The following ASTN2 variants were observed in gnomAD, a reference collection of about 807,000 sequenced individuals.
ASTN2 encodes astrotactin 2.
ASTN2 carries 54 observed loss-of-function variants against 139.8 expected under a neutral mutation model. The observed-to-expected ratio is 0.39, with a 90% CI of 0.31 to 0.48. The LOEUF (loss-of-function observed/expected upper bound fraction) is 0.48. ASTN2 is among the 20% of genes least tolerant of loss of function. ASTN2 has a pLI of 0.95. For missense variants in ASTN2, 1,565 were observed against 1,725.1 expected (o/e 0.91, Z 1.64); for synonymous variants, 756 against 719.5 (o/e 1.05, Z -0.81).
intron 10 of ASTN2, among the ~76,000 whole-genome samples, chr9:116,942,209 G>T (rs979595234): frequency 3.3e-5 from 5 of 151,850 alleles, no homozygotes; most frequent in Admixed American, 1.3e-4. Context: ...TATCACTCAG[G>T]CCCTCAGATC....
In ASTN2 at chr9:117,404,187, A is replaced by G. The variant is rs1391672958; in HGVS notation, c.442+10310T>C. Among the ~76,000 whole-genome samples, 3 of 152,210 alleles carry G rather than the reference A, an allele frequency of 2.0e-5. No homozygotes were observed. The East Asian group carries it at 5.8e-4, about 29-fold the overall frequency. ...AGTGCTGACTAAAATGTGGTTATGG[A>G]GGGCTCTCCAAAATTAAGTGACTAT... On this transcript the variant is annotated intron_variant, in intron 1 of 22. Transcript: ENST00000313400.
intron 1 of ASTN2, among the ~76,000 whole-genome samples, chr9:117,298,512 G>A (rs975086923): frequency 2.6e-5 from 4 of 152,026 alleles, no homozygotes; most frequent in East Asian, 1.9e-4. Context: ...TCACAGGGTC[G>A]TTTTTAGAAT....
chr9:116,651,492 C>T (rs756628519), intron 17 of ASTN2, 36 bp downstream of exon 17: 1 of 1,601,142 alleles, frequency 6.2e-7, no homozygotes, highest in Non-Finnish European at 8.5e-7. Flanking sequence ...GAGGGCTGGT[C>T]AAGTTTGACT....
chr9:116,579,619 G>A (rs940785510), intron 19 of ASTN2, among the ~76,000 whole-genome samples: 1 of 152,174 alleles, frequency 6.6e-6, no homozygotes, highest in African/African-American at 2.4e-5. Context: ...AATGGTACAT[G>A]CCTGTAGACC....
intron 7 of ASTN2, among the ~76,000 whole-genome samples, chr9:116,986,160 G>GCCCCCCCCCCTCC (rs34143043): frequency 7.6e-6 from 1 of 131,824 alleles, no homozygotes; most frequent in Non-Finnish European, 1.6e-5. Context: ...TGTCCAGGCT[G>GCCCCCCCCCCTCC]CCCCCCCCCA....
At chr9:117,151,489 A>C (rs1830325626) in intron 3 of ASTN2, among the ~76,000 whole-genome samples, 1 of 152,146 alleles carries the variant, frequency 6.6e-6, no homozygotes, top group African/African-American at 2.4e-5. Context: ...TTAAAACAGG[A>C]CACTGTTTAG....
chr9:116,790,966 GGAAAGAAAGAAAGAAA>G (rs1180188046), intron 13 of ASTN2, among the ~76,000 whole-genome samples: 2,795 of 65,760 alleles, frequency 0.043, 84 homozygotes, highest in Middle Eastern at 0.1. Flanking sequence ...AAAGAAAGAA[GGAAAGAAAGAAAGAAA>G]GAAAGAAAGA....
chr9:116,911,412 G>GC (rs762239543), intron 10 of ASTN2, among the ~76,000 whole-genome samples: 12 of 152,046 alleles, frequency 7.9e-5, no homozygotes, highest in Non-Finnish European at 1.6e-4. Context: ...ACTGTCTCTG[G>GC]CCAGAAAAAA....
intron 3 of ASTN2, among the ~76,000 whole-genome samples, chr9:117,196,388 T>C (rs1442275457): frequency 6.6e-6 from 1 of 152,166 alleles, no homozygotes; most frequent in African/African-American, 2.4e-5. Flanking sequence ...TAATTACAAA[T>C]GGCTTAATGA....
chr9:116,658,716 T>C, intron 16 of ASTN2, among the ~76,000 whole-genome samples: 1 of 141,980 alleles, frequency 7.0e-6, no homozygotes, highest in East Asian at 2.2e-4. Flanking sequence ...ATGACCTTCC[T>C]AATCCTGACC....
At chr9:116,938,282 C>T (rs576018417) in intron 10 of ASTN2, among the ~76,000 whole-genome samples, 6 of 152,282 alleles carry the variant, frequency 3.9e-5, no homozygotes, top group African/African-American at 1.2e-4. Flanking sequence ...CTAATACAAT[C>T]CTTGGTTGAC....
chr9:116,632,204 G>GAAA (rs67808933), intron 17 of ASTN2, among the ~76,000 whole-genome samples: 2 of 53,346 alleles, frequency 3.7e-5, no homozygotes, highest in East Asian at 5.1e-4. Context: ...GAGAAAGAAA[G>GAAA]AAAAGAAAGA....
chr9:117,217,784 A>T (rs1353531903), intron 2 of ASTN2, among the ~76,000 whole-genome samples: 1 of 152,238 alleles, frequency 6.6e-6, no homozygotes, highest in East Asian at 1.9e-4. Context: ...CAGCAAGTAT[A>T]CATTCTGTGT....
At chr9:116,825,532 AC>A (rs2132276423) in intron 11 of ASTN2, among the ~76,000 whole-genome samples, 1 of 152,342 alleles carries the variant, frequency 6.6e-6, no homozygotes, top group South Asian at 2.1e-4. Context: ...GTAGATACAC[AC>A]ATTCCAAACA....
At chr9:116,767,199 A>G (rs768995433) in intron 13 of ASTN2, among the ~76,000 whole-genome samples, 9 of 152,088 alleles carry the variant, frequency 5.9e-5, no homozygotes, top group Admixed American at 1.3e-4. Flanking sequence ...AGATGGAGAG[A>G]ATGAGGCCTG....
chr9:116,960,429 G>A (rs1051695640), intron 10 of ASTN2, among the ~76,000 whole-genome samples: 1 of 151,358 alleles, frequency 6.6e-6, no homozygotes, highest in African/African-American at 2.4e-5. Flanking sequence ...TCTAGAAGGT[G>A]CAATGGAAAG....
intron 1 of ASTN2, among the ~76,000 whole-genome samples, chr9:117,328,862 C>T (rs191118231): frequency 2.0e-5 from 3 of 152,224 alleles, no homozygotes; most frequent in Admixed American, 6.5e-5. Context: ...GAGTGGGTGA[C>T]GGAGAGCCAT....
intron 16 of ASTN2, among the ~76,000 whole-genome samples, chr9:116,701,661 C>T (rs1861174704): frequency 6.6e-6 from 1 of 152,194 alleles, no homozygotes; most frequent in Non-Finnish European, 1.5e-5. Flanking sequence ...GCATTTAGAT[C>T]TCTACCCATC....
At chr9:117,173,657 G>T (rs1338583398) in intron 3 of ASTN2, among the ~76,000 whole-genome samples, 1 of 151,870 alleles carries the variant, frequency 6.6e-6, no homozygotes, top group Non-Finnish European at 1.5e-5. Flanking sequence ...TAAAAAAATA[G>T]AATTAAACAA....
Sources: gnomAD v4.1 joint callset for allele counts (sites outside exome capture counted in the v4.1 genomes callset) on GRCh38, gnomAD v4.1.1 for gene constraint, MANE v1.5 for transcripts, NCBI Gene and HGNC (gene_info 2026-07-23, HGNC 2026-07-21) for gene names.